The following DLGAP2 variants were observed in gnomAD, a reference collection of about 807,000 sequenced individuals.
The protein encoded by DLGAP2 is disks large-associated protein 2.
A neutral mutation model predicts 100.3 loss-of-function variants in DLGAP2; 26 were observed. The observed-to-expected ratio is 0.26, with a 90% confidence interval of 0.19 to 0.36. DLGAP2 has a LOEUF of 0.36. DLGAP2 is among the 10% of genes least tolerant of loss of function. DLGAP2 has a pLI of 1.00. For synonymous variants in DLGAP2, 886 were observed against 630.1 expected (o/e 1.41, Z -6.08); for missense variants, 1,858 against 1,453.2 (o/e 1.28, Z -4.53).
chr8:1,582,380 C>T (rs1803317304), intron 6 of DLGAP2, among the ~76,000 whole-genome samples: 1 of 151,658 alleles, frequency 6.6e-6, no homozygotes, highest in Non-Finnish European at 1.5e-5. Context: ...AGAATTACAG[C>T]ACACTTTTCA....
intron 2 of DLGAP2, among the ~76,000 whole-genome samples, chr8:934,551 C>T (rs978439274): frequency 2.0e-5 from 3 of 152,196 alleles, no homozygotes; most frequent in Non-Finnish European, 2.9e-5. Context: ...GTCAGCTGCG[C>T]CTCCCAGGGG....
At chr8:1,301,445 T>C (rs1800337291) in intron 3 of DLGAP2, 3 of 147,496 alleles carry the variant, frequency 2.0e-5, no homozygotes, top group Non-Finnish European at 3.0e-5. Flanking sequence ...AACCTCCACT[T>C]TTTTTTTTTC....
chr8:1,693,208 T>C (rs1345840722), intron 13 of DLGAP2, among the ~76,000 whole-genome samples: 1 of 148,414 alleles, frequency 6.7e-6, no homozygotes, highest in African/African-American at 2.4e-5. Context: ...AAATATATAG[T>C]ATGTGTGTAG....
chr8:949,726 C>A (rs11782142), intron 2 of DLGAP2, among the ~76,000 whole-genome samples: 67,197 of 152,016 alleles, frequency 0.44, 15,316 homozygotes, highest in Admixed American at 0.57. Context: ...GTTCAGGGAC[C>A]CGGCAGATGT....
chr8:737,704 G>T lies in DLGAP2; in HGVS notation c.-104G>T. 1 of 371,666 alleles carries T rather than the reference G, an allele frequency of 2.7e-6. No individual in the cohort carries two copies. The highest frequency in any genetic ancestry group is 4.8e-6 in the Non-Finnish European group (1 of 208,550). The allele number at this position is 371,666 out of a possible 1,614,324, so 23.0% of individuals were successfully genotyped here. A position where few individuals can be genotyped will look rare whatever the true frequency, so the allele number is the denominator to read the frequency against. On this transcript the variant is annotated 5_prime_UTR_variant, in exon 1 of 15. Coordinates refer to ENST00000637795, the MANE Select transcript of DLGAP2 (RefSeq NM_001346810.2). ...GCGGCGAACGGACGGACGGACCGCG[G>T]ACGGACGTACTGACCCCAACCCGCG...
intron 1 of DLGAP2, among the ~76,000 whole-genome samples, chr8:796,165 A>G (rs1192309742): frequency 1.3e-5 from 2 of 152,124 alleles, no homozygotes; most frequent in Non-Finnish European, 2.9e-5. Flanking sequence ...GCAGGTGTCC[A>G]GTGAGAACAG....
At chr8:1,293,155 C>G (rs1389839246) in intron 3 of DLGAP2, among the ~76,000 whole-genome samples, 1 of 152,120 alleles carries the variant, frequency 6.6e-6, no homozygotes, top group Non-Finnish European at 1.5e-5. Flanking sequence ...CCCTGTCTCC[C>G]CCTCTCTCTC....
intron 1 of DLGAP2, among the ~76,000 whole-genome samples, chr8:872,325 CTTCTT>C (rs1192715845): frequency 2.9e-5 from 4 of 139,656 alleles, no homozygotes; most frequent in Admixed American, 8.1e-5. Flanking sequence ...TTTTCTCTCA[CTTCTT>C]TTCTTTTTTT....
At chr8:1,122,171 G>A (rs1484067538) in intron 2 of DLGAP2, among the ~76,000 whole-genome samples, 3 of 152,150 alleles carry the variant, frequency 2.0e-5, no homozygotes, top group Admixed American at 6.5e-5. Flanking sequence ...TGGCTTTAGG[G>A]ATCATTCGGT....
chr8:1,169,985 T>C (rs1176132044), intron 2 of DLGAP2, among the ~76,000 whole-genome samples: 1 of 151,838 alleles, frequency 6.6e-6, no homozygotes, highest in African/African-American at 2.4e-5. Flanking sequence ...ATGCTTCCAG[T>C]TTTTGCCCAT....
intron 1 of DLGAP2, among the ~76,000 whole-genome samples, chr8:813,265 G>GAAA: frequency 6.9e-6 from 1 of 144,576 alleles, no homozygotes. Context: ...TTTTCAAAAC[G>GAAA]AAAAAAAAAC....
At chr8:1,054,239 TGTACACACAC>T (rs1207937264) in intron 2 of DLGAP2, among the ~76,000 whole-genome samples, 5 of 151,876 alleles carry the variant, frequency 3.3e-5, no homozygotes, top group East Asian at 1.9e-4. Context: ...TGTATGCACA[TGTACACACAC>T]GTACACACAC....
chr8:1,338,798 G>A (rs1801348269), intron 3 of DLGAP2, among the ~76,000 whole-genome samples: 1 of 152,122 alleles, frequency 6.6e-6, no homozygotes, highest in African/African-American at 2.4e-5. Context: ...ATGGTGTCAG[G>A]ACCTGGGAGA....
chr8:1,166,036 A>C (rs1465720102), intron 2 of DLGAP2, among the ~76,000 whole-genome samples: 1 of 152,246 alleles, frequency 6.6e-6, no homozygotes, highest in Non-Finnish European at 1.5e-5. Context: ...ATCTCCCGTC[A>C]GTAACCCATG....
At chr8:1,098,036 C>T (rs916470592) in intron 2 of DLGAP2, among the ~76,000 whole-genome samples, 2 of 152,394 alleles carry the variant, frequency 1.3e-5, no homozygotes, top group Middle Eastern at 3.4e-3. Flanking sequence ...TCTCTTACTA[C>T]GTTGACTGGT....
chr8:1,482,976 C>A (rs186964255), intron 3 of DLGAP2, among the ~76,000 whole-genome samples: 4 of 152,372 alleles, frequency 2.6e-5, no homozygotes, highest in African/African-American at 7.2e-5. Context: ...TCCTCACGTC[C>A]CGTGCTCGGG....
chr8:1,697,609 C>G (rs1047985956), intron 14 of DLGAP2, among the ~76,000 whole-genome samples: 1 of 152,240 alleles, frequency 6.6e-6, no homozygotes, highest in African/African-American at 2.4e-5. Context: ...CCTGCAGCCT[C>G]ATTCCTGACA....
chr8:1,128,845 T>G (rs543021984), intron 2 of DLGAP2, among the ~76,000 whole-genome samples: 1 of 152,278 alleles, frequency 6.6e-6, no homozygotes, highest in East Asian at 1.9e-4. Context: ...AGTCTGTTCT[T>G]TACTAGTTTT....
At chr8:1,436,674 C>A (rs1797639877) in intron 3 of DLGAP2, among the ~76,000 whole-genome samples, 1 of 152,078 alleles carries the variant, frequency 6.6e-6, no homozygotes, top group Non-Finnish European at 1.5e-5. Flanking sequence ...TGTGTAGAGT[C>A]TACAGTAGCA....
Sources: allele counts gnomAD v4.1 joint callset (sites outside exome capture counted in the v4.1 genomes callset), GRCh38; gene constraint gnomAD v4.1.1; transcripts MANE v1.5; gene names NCBI Gene and HGNC (gene_info 2026-07-23, HGNC 2026-07-21).